NFX1: variants seen among roughly 807,000 people sequenced by gnomAD.
The protein encoded by NFX1 is nuclear transcription factor, X-box binding 1.
A neutral mutation model predicts 137.2 loss-of-function variants in NFX1; 69 were observed. The observed-to-expected ratio is 0.50, with a 90% CI of 0.41 to 0.61. NFX1 has a LOEUF of 0.61. Ranked by LOEUF, NFX1 falls within the 20% of genes least tolerant of loss-of-function variation. NFX1 has a pLI of 0.00. For synonymous variants in NFX1, 495 were observed against 474.1 expected, an observed-to-expected ratio of 1.04 and a Z score of -0.57; for missense variants, 1,167 against 1,391.0, an observed-to-expected ratio of 0.84 and a Z score of 2.56.
chr9:33,329,917 C>G (rs1822739883), intron 10 of NFX1, among the ~76,000 whole-genome samples: 1 of 152,076 alleles, frequency 6.6e-6, no homozygotes, highest in Non-Finnish European at 1.5e-5. Context: ...CCTCAGCCTC[C>G]CAAAGTGCTG....
At chr9:33,300,150 C>G (rs1326896508) in intron 2 of NFX1, among the ~76,000 whole-genome samples, 3 of 149,888 alleles carry the variant, frequency 2.0e-5, no homozygotes, top group African/African-American at 7.4e-5. Flanking sequence ...CAACCTCCGC[C>G]CCCGGGTTCA....
chr9:33,340,255 G>A (rs1401930206), intron 12 of NFX1, among the ~76,000 whole-genome samples: 6 of 152,216 alleles, frequency 3.9e-5, no homozygotes, highest in African/African-American at 9.6e-5. Context: ...TCCAACCTCA[G>A]TTATTGATTT....
chr9:33,366,492 T>G, intron 21 of NFX1, 137 bp from the exon 22 acceptor site: 1 of 983,096 alleles, frequency 1.0e-6, no homozygotes, highest in South Asian at 1.6e-5. Context: ...TGCTTGGCAG[T>G]TAGTAAAATG....
At chr9:33,352,913 AG>A in intron 17 of NFX1, 194 bp downstream of exon 17, 1 of 544,596 alleles carries the variant, frequency 1.8e-6, no homozygotes, top group Non-Finnish European at 3.3e-6. Flanking sequence ...CTTTTCTAAA[AG>A]CTGGAAAGGT....
At chr9:33,341,146 T>C (rs1823204821) in intron 12 of NFX1, among the ~76,000 whole-genome samples, 1 of 152,184 alleles carries the variant, frequency 6.6e-6, no homozygotes, top group South Asian at 2.1e-4. Context: ...TATCCAAGAC[T>C]GGGCAAGTTA....
Position 33,370,129 on chromosome 9 carries a change from G to GTAC in NFX1, c.*151_*152insTAC. 1 of 606,382 alleles carries GTAC rather than the reference G, an allele frequency of 1.6e-6. No homozygotes were observed. Among genetic ancestry groups the GTAC allele is most frequent in the South Asian group, 2.2e-5 (1 of 46,320 alleles). 37.6% of individuals were successfully genotyped at this position (606,382 alleles called of 1,614,324 possible). ...ACACATCCAAAGCATGAGTGTGTCA[G>GTAC]AAATCCCTTGTCTATTCCTGTCTGT... On this transcript the variant is annotated 3_prime_UTR_variant, in exon 24 of 24. Transcript: ENST00000379540.
chr9:33,301,461 T>C, intron 3 of NFX1, 40 bp downstream of exon 3: 5 of 1,594,300 alleles, frequency 3.1e-6, no homozygotes, highest in Non-Finnish European at 4.3e-6. Context: ...TTCTCCCCTA[T>C]TTGATACGTT....
At position 33,370,131 on chromosome 9, in the gene NFX1, A is replaced by G; in HGVS notation, c.*153A>G. On this transcript the variant is annotated 3_prime_UTR_variant, in exon 24 of 24. Coordinates refer to ENST00000379540, the MANE Select transcript of NFX1 (RefSeq NM_002504.6). ...ACATCCAAAGCATGAGTGTGTCAGA[A>G]ATCCCTTGTCTATTCCTGTCTGTAT... 1.6e-6 allele frequency: 1 copy of G among 606,760 alleles called. No homozygotes were observed. The highest frequency in any genetic ancestry group is 2.9e-5 in the East Asian group (1 of 34,894). The allele number at this position is 606,760 out of a possible 1,614,324, so 37.6% of individuals were successfully genotyped here.
intron 9 of NFX1, among the ~76,000 whole-genome samples, chr9:33,325,978 T>A (rs1352687333): frequency 6.6e-6 from 1 of 152,232 alleles, no homozygotes; most frequent in Non-Finnish European, 1.5e-5. Flanking sequence ...ATTTTAGGCC[T>A]ATAACCTGTA....
At chr9:33,308,480 G>A (rs990344192) in intron 5 of NFX1, among the ~76,000 whole-genome samples, 5 of 152,154 alleles carry the variant, frequency 3.3e-5, no homozygotes, top group Non-Finnish European at 5.9e-5. Flanking sequence ...ACTGTATGCA[G>A]TCAGCTTCTA....
chr9:33,304,319 A>T (rs1386123044), intron 4 of NFX1, among the ~76,000 whole-genome samples: 2 of 152,208 alleles, frequency 1.3e-5, no homozygotes, highest in African/African-American at 4.8e-5. Flanking sequence ...CTTTCCAGCC[A>T]TATCTAGGGC....
chr9:33,360,932 A>T (rs1823967921), intron 19 of NFX1, among the ~76,000 whole-genome samples: 1 of 152,206 alleles, frequency 6.6e-6, no homozygotes, highest in South Asian at 2.1e-4. Context: ...GCTAAGCTGA[A>T]ATCTAGCTTT....
Position 33,294,728 on chromosome 9 carries a change from G to T in NFX1, c.334G>T (p.Glu112Ter). The T allele has an allele frequency of 6.2e-7, 1 of 1,614,134 alleles. No individual in the cohort carries two copies. The highest frequency in any genetic ancestry group is 8.5e-7 in the Non-Finnish European group (1 of 1,180,028). Residue 112 changes from glutamate (E) to a stop codon, truncating the protein, a stop_gained, in exon 2 of 24, where the codon GAG becomes TAG. Transcript: ENST00000379540. LOFTEE classifies it high-confidence loss of function. Reference protein sequence around the residue: ...QNQPWQKLRNEKHHIRVKKAQ... With the variant: ...QNQPWQKLRN The stretch of plus-strand genomic sequence containing the variant: ...TCAACCTTGGCAGAAATTGAGGAAT[G>T]AGAAGCACCATATCAGAGTCAAGAA...
In NFX1 at chr9:33,332,876, C is replaced by G. The variant is rs150027958; in HGVS notation, c.2035+374C>G. On this transcript the variant is annotated intron_variant, in intron 11 of 23. Transcript: ENST00000379540. ...TCTTTTTCCTTTTGAGACGGAGTCT[C>G]GCTCTGTTTCGCAGGCCAGAGTGCA... is the stretch of plus-strand genomic sequence containing the variant. 3.3e-5 allele frequency among the ~76,000 whole-genome samples: 5 copies of G among 152,328 alleles called. No homozygotes were observed. In the East Asian group the frequency reaches 9.6e-4, roughly 29 times the overall value.
intron 21 of NFX1, chr9:33,365,717 G>T (rs1824149941): frequency 6.6e-6 from 1 of 152,272 alleles, no homozygotes; most frequent in African/African-American, 2.4e-5. Flanking sequence ...GAGTGACTGT[G>T]TGGGACACTT....
At chr9:33,325,350 A>C (rs1358727870) in intron 9 of NFX1, among the ~76,000 whole-genome samples, 1 of 152,190 alleles carries the variant, frequency 6.6e-6, no homozygotes, top group Non-Finnish European at 1.5e-5. Flanking sequence ...GTAGGATGAC[A>C]TATTCAAAGT....
In NFX1 at chr9:33,367,562, G is replaced by C. The variant is rs757878976; in HGVS notation, c.3233G>C (p.Arg1078Thr). The change falls in exon 23 of 24, where the codon AGG (arginine) becomes ACG (threonine). Residue 1078 changes from arginine to threonine, a missense_variant. Physicochemically the swap from Arg to Thr is moderately conservative, Grantham distance 71. This residue lies in a region of NFX1 where 312 missense variants were observed against 312.8 expected (regional missense o/e 1.00). Transcript: ENST00000379540. ...ACCACGCTGACAGGTGTGCTTGAAA[G>C]GGAAATGCAGGCACGGCCTCCACCA... ...PPTTLTGVLE[R>T]EMQARPPPPI... 1 of 1,613,950 alleles carries C rather than the reference G, an allele frequency of 6.2e-7. No individual in the cohort carries two copies. Among genetic ancestry groups the C allele is most frequent in the South Asian group, 1.1e-5 (1 of 91,064 alleles).
intron 12 of NFX1, among the ~76,000 whole-genome samples, chr9:33,339,088 A>G (rs1564132263): frequency 6.6e-6 from 1 of 152,166 alleles, no homozygotes; most frequent in African/African-American, 2.4e-5. Context: ...GGCTATTTGT[A>G]CTCTGTTATC....
At chr9:33,298,454 A>G (rs1335907880) in intron 2 of NFX1, among the ~76,000 whole-genome samples, 1 of 152,208 alleles carries the variant, frequency 6.6e-6, no homozygotes, top group Non-Finnish European at 1.5e-5. Flanking sequence ...GGTCCTGGGA[A>G]GAGGGATGTC....
Sources: gnomAD v4.1 joint callset for allele counts (sites outside exome capture counted in the v4.1 genomes callset) on GRCh38, gnomAD v4.1.1 for gene constraint, gnomAD v4.1.1 regional missense constraint, MANE v1.5 for transcripts, NCBI Gene and HGNC (gene_info 2026-07-23, HGNC 2026-07-21) for gene names.